Variants in CHD2 observed in about 807,000 individuals in gnomAD.
CHD2 encodes the protein ATP-dependent chromatin remodeler CHD2.
A neutral mutation model predicts 243.9 loss-of-function variants in CHD2; 28 were observed. The observed-to-expected ratio is 0.11, with a 90% CI of 0.09 to 0.16. CHD2 has a LOEUF of 0.16. Ranked by LOEUF, CHD2 falls within the 10% of genes least tolerant of loss-of-function variation. The pLI, the probability that CHD2 is intolerant of heterozygous loss-of-function variation, is 1.00. For synonymous variants in CHD2, 775 were observed against 779.0 expected (o/e 0.99, Z 0.09); for missense variants, 1,386 against 2,209.8 (o/e 0.63, Z 7.47).
intron 26 of CHD2, among the ~76,000 whole-genome samples, chr15:92,986,053 C>T (rs554853864): frequency 2.6e-5 from 4 of 152,286 alleles, no homozygotes; most frequent in East Asian, 1.9e-4. Context: ...CTCTCCCCTC[C>T]GCCACAATCC....
chr15:92,932,635 T>C (rs879422909), intron 5 of CHD2, among the ~76,000 whole-genome samples: 3 of 152,176 alleles, frequency 2.0e-5, no homozygotes, highest in Non-Finnish European at 2.9e-5. Context: ...TTTCTTTAAT[T>C]GGGAGCACTT....
chr15:92,948,200 C>T (rs1179000009), intron 12 of CHD2, among the ~76,000 whole-genome samples: 1 of 152,054 alleles, frequency 6.6e-6, no homozygotes, highest in African/African-American at 2.4e-5. Context: ...ACCAAATTCA[C>T]GCAATTAAAG....
Position 92,998,320 on chromosome 15 carries a change from C to A in CHD2, c.3886-179C>A. The A allele has an allele frequency of 7.4e-7, 1 of 1,342,806 alleles. No individual in the cohort carries two copies. Among genetic ancestry groups the A allele is most frequent in the Non-Finnish European group, 9.8e-7 (1 of 1,022,692 alleles). 83.2% of individuals were successfully genotyped at this position (1,342,806 alleles called of 1,614,324 possible). A position where few individuals can be genotyped will look rare whatever the true frequency, so the allele number is the denominator to read the frequency against. The stretch of plus-strand genomic sequence containing the variant: ...CCCATTTTGTAAAATGAGAACGGCT[C>A]GTGAGGGATTTTCAGTGACTGGGAG... On this transcript the variant is annotated intron_variant, in intron 30 of 38. Coordinates refer to ENST00000394196, the MANE Select transcript of CHD2 (RefSeq NM_001271.4). This position sits in a 1 kb window ranked among gnomAD's most constrained non-coding sequence, Gnocchi z 5.1.
At chr15:93,006,727 T>C (rs914797662) in intron 34 of CHD2, among the ~76,000 whole-genome samples, 1 of 152,174 alleles carries the variant, frequency 6.6e-6, no homozygotes, top group African/African-American at 2.4e-5. Context: ...AGAGGTTGGG[T>C]CCATAACCAT....
chr15:92,969,053 C>T (rs1481641525), intron 17 of CHD2, among the ~76,000 whole-genome samples: 1 of 152,114 alleles, frequency 6.6e-6, no homozygotes, highest in Non-Finnish European at 1.5e-5. Flanking sequence ...TTCTGTTTTT[C>T]CTCTGAAAAT....
In CHD2 at chr15:92,953,535, G is replaced by T; in HGVS notation, c.1681G>T (p.Val561Leu). The change falls in exon 14 of 39, where the codon GTA becomes TTA. Residue 561 changes from valine (V) to leucine (L), a missense_variant. Physicochemically the swap from Val to Leu is conservative, Grantham distance 32. Coordinates refer to ENST00000394196, the MANE Select transcript of CHD2 (RefSeq NM_001271.4). ...TGAAATCTGGGCACCAGAGATTAAC[G>T]TAGTGGTTTACATAGGTGACCTGAT... ...EFEIWAPEIN[V>L]VVYIGDLMSR... The T allele has an allele frequency of 6.2e-7, 1 of 1,614,136 alleles. No homozygotes were observed. The highest frequency in any genetic ancestry group is 8.5e-7 in the Non-Finnish European group (1 of 1,180,022).
At chr15:92,904,077 T>C (rs769451512) in intron 2 of CHD2, among the ~76,000 whole-genome samples, 3 of 152,214 alleles carry the variant, frequency 2.0e-5, no homozygotes, top group Non-Finnish European at 2.9e-5. Flanking sequence ...AAAGCCTATT[T>C]CCTTCCCCCT....
At chr15:92,932,443 T>TCCCCCCCCCCCCCC (rs11309319) in intron 5 of CHD2, among the ~76,000 whole-genome samples, 1 of 103,294 alleles carries the variant, frequency 9.7e-6, no homozygotes, top group African/African-American at 3.9e-5. Context: ...CCCTTCCCCC[T>TCCCCCCCCCCCCCC]CCCCCCCACC....
chr15:93,002,466 C>A, intron 33 of CHD2, 149 bp downstream of exon 33: 1 of 1,298,330 alleles, frequency 7.7e-7, no homozygotes, highest in Non-Finnish European at 1.0e-6. Flanking sequence ...TGATGGGATA[C>A]CTGCACCTGT....
rs2053287905 is a variant in CHD2 at position 92,937,643 on chromosome 15, G to T, written c.551+18G>T. On this transcript the variant is annotated intron_variant, in intron 6 of 38. Transcript: ENST00000394196. ...CCCAGAAGGTGCACTGTTTGCTTAA[G>T]ATCTCTACTTGGGATGAGCTTAATC... 2 of 1,575,760 alleles carry T rather than the reference G, an allele frequency of 1.3e-6. No homozygotes were observed. Among genetic ancestry groups the T allele is most frequent in the East Asian group, 2.2e-5 (1 of 44,674 alleles).
chr15:93,000,121 T>C (rs1436458781), intron 31 of CHD2, among the ~76,000 whole-genome samples: 1 of 152,010 alleles, frequency 6.6e-6, no homozygotes, highest in African/African-American at 2.4e-5. Context: ...AATTAGCCAG[T>C]GGTGGTGGCA....
intron 13 of CHD2, among the ~76,000 whole-genome samples, chr15:92,952,022 C>G (rs1364868314): frequency 6.6e-6 from 1 of 152,154 alleles, no homozygotes; most frequent in African/African-American, 2.4e-5. Flanking sequence ...TATATACGTG[C>G]AAACTTTCAG....
At chr15:93,016,779 CAAA>C (rs58103362) in intron 37 of CHD2, among the ~76,000 whole-genome samples, 1 of 77,986 alleles carries the variant, frequency 1.3e-5, no homozygotes, top group South Asian at 5.7e-4. Flanking sequence ...GAGACCGTCT[CAAA>C]AAAAAAAAAA....
At chr15:92,973,359 G>C (rs910613609) in intron 19 of CHD2, among the ~76,000 whole-genome samples, 2 of 152,094 alleles carry the variant, frequency 1.3e-5, no homozygotes, top group Non-Finnish European at 2.9e-5. Context: ...TAGACACATA[G>C]ACATATACGC....
At chr15:92,904,749 C>G in intron 2 of CHD2, 4 of 1,376,862 alleles carry the variant, frequency 2.9e-6, no homozygotes, top group Non-Finnish European at 3.7e-6. Flanking sequence ...TTACATTTTC[C>G]CTTTTCATAC....
chr15:92,901,330 C>CT (rs769211092), intron 2 of CHD2, 31 bp downstream of exon 2: 1,585 of 1,418,588 alleles, frequency 1.1e-3, no homozygotes, highest in East Asian at 1.4e-3. Flanking sequence ...TCCTTTTTGT[C>CT]TTTTTTTTTG....
intron 37 of CHD2, among the ~76,000 whole-genome samples, chr15:93,018,054 GAAGA>G (rs1408572852): frequency 6.6e-6 from 1 of 152,136 alleles, no homozygotes; most frequent in Non-Finnish European, 1.5e-5. Flanking sequence ...GAGGGTTTAA[GAAGA>G]AAGAAAATCT....
At chr15:92,993,068 G>A in intron 28 of CHD2, 70 bp downstream of exon 28, 1 of 1,561,716 alleles carries the variant, frequency 6.4e-7, no homozygotes, top group Admixed American at 1.7e-5. Context: ...TTGCTAAAGG[G>A]CGTTTTAAGG....
chr15:92,923,039 C>T lies in CHD2; in HGVS notation c.63-1282C>T, dbSNP rs140391040. Among the ~76,000 whole-genome samples, 67 of 152,310 alleles carry T rather than the reference C, an allele frequency of 4.4e-4. 1 individual carries two copies. The East Asian group carries it at 0.01, about 24-fold the overall frequency. On this transcript the variant is annotated intron_variant, in intron 2 of 38. Transcript: ENST00000394196. ...CCGTCTTTATTGGGTTGGGTGTTCTCATTAGCATCAGAGTGCCCTTTTTGT... is the reference window on the plus strand; with the variant it reads ...CCGTCTTTATTGGGTTGGGTGTTCTTATTAGCATCAGAGTGCCCTTTTTGT...
Sources: gnomAD v4.1 joint callset for allele counts (sites outside exome capture counted in the v4.1 genomes callset) on GRCh38, gnomAD v4.1.1 for gene constraint, Gnocchi (gnomAD v3.1) non-coding constraint, MANE v1.5 for transcripts, NCBI Gene and HGNC (gene_info 2026-07-23, HGNC 2026-07-21) for gene names.